Variants in CA13 observed in about 807,000 individuals in gnomAD.
CA13 encodes the protein carbonic anhydrase 13, also known as CA-XIII.
CA13 carries 21 observed loss-of-function variants against 31.5 expected under a neutral mutation model. The observed-to-expected ratio is 0.67, with a 90% CI of 0.47 to 0.96. The LOEUF (loss-of-function observed/expected upper bound fraction) is 0.96, where lower values mean the gene tolerates loss of function less well. Ranked by LOEUF, CA13 falls within the 40% of genes least tolerant of loss-of-function variation. The pLI, the probability that CA13 is intolerant of heterozygous loss-of-function variation, is 0.00. For missense variants in CA13, 315 were observed against 318.9 expected (o/e 0.99, Z 0.09); for synonymous variants, 117 against 111.4 (o/e 1.05, Z -0.32).
At chr8:85,268,234 A>T (rs1316013581) in intron 5 of CA13, among the ~76,000 whole-genome samples, 1 of 152,242 alleles carries the variant, frequency 6.6e-6, no homozygotes, top group Non-Finnish European at 1.5e-5. Flanking sequence ...TTAAGGGACC[A>T]CTTATATGAA....
At chr8:85,274,980 C>A (rs181099959) in intron 6 of CA13, among the ~76,000 whole-genome samples, 82 of 152,272 alleles carry the variant, frequency 5.4e-4, no homozygotes, top group Non-Finnish European at 1.1e-3. Flanking sequence ...GAAGCAAGTA[C>A]CTTGCCAGGG....
Position 85,245,745 on chromosome 8 carries a change from A to G in CA13, c.-84A>G. ...CGGCGCCCCGCGGTCCCGCCCTAGC[A>G]GGCTCCTTCCCGGGCCCCTCCCCGC... On this transcript the variant is annotated 5_prime_UTR_variant, in exon 1 of 7. Coordinates refer to ENST00000321764, the MANE Select transcript of CA13 (RefSeq NM_198584.3). The G allele has an allele frequency of 6.6e-7, 1 of 1,515,108 alleles. No homozygotes were observed. The highest frequency in any genetic ancestry group is 9.2e-7 in the Non-Finnish European group (1 of 1,092,050). 93.9% of individuals were successfully genotyped at this position (1,515,108 alleles called of 1,614,324 possible).
chr8:85,262,486 C>A (rs926508665), intron 3 of CA13, among the ~76,000 whole-genome samples: 10 of 151,896 alleles, frequency 6.6e-5, no homozygotes, highest in Admixed American at 3.9e-4. Context: ...AACAGTATGG[C>A]CTTTAACAGT....
chr8:85,262,165 G>C (rs1006381498), intron 3 of CA13, among the ~76,000 whole-genome samples: 2 of 152,118 alleles, frequency 1.3e-5, no homozygotes, highest in Admixed American at 6.5e-5. Flanking sequence ...AGGGATGATT[G>C]CTTCTTATTT....
intron 2 of CA13, among the ~76,000 whole-genome samples, chr8:85,257,934 A>G (rs899654477): frequency 3.4e-5 from 5 of 148,798 alleles, no homozygotes; most frequent in African/African-American, 1.2e-4. Flanking sequence ...ACCCAGCCAA[A>G]AAATATATAT....
At chr8:85,262,245 C>G (rs776127788) in intron 3 of CA13, among the ~76,000 whole-genome samples, 1 of 152,154 alleles carries the variant, frequency 6.6e-6, no homozygotes, top group Non-Finnish European at 1.5e-5. Context: ...TGCTCCTAAT[C>G]TTTACACAGC....
chr8:85,265,552 T>G (rs936139876), intron 3 of CA13, among the ~76,000 whole-genome samples: 1 of 151,166 alleles, frequency 6.6e-6, no homozygotes, highest in East Asian at 2.0e-4. Context: ...CTCCTTCCCT[T>G]CCCCCTTGTT....
chr8:85,281,081 A>T, intron 6 of CA13, 149 bp from the exon 7 acceptor site: 1 of 897,962 alleles, frequency 1.1e-6, no homozygotes, highest in Non-Finnish European at 1.6e-6. Context: ...TTAGCAAAAG[A>T]GTTGCTTTAT....
intron 6 of CA13, among the ~76,000 whole-genome samples, chr8:85,269,439 A>C (rs1487748166): frequency 6.6e-6 from 1 of 152,090 alleles, no homozygotes; most frequent in Admixed American, 6.6e-5. Flanking sequence ...ACTTTGTCTC[A>C]AAAAAAATTT....
intron 1 of CA13, among the ~76,000 whole-genome samples, chr8:85,248,055 C>T (rs1490425337): frequency 1.3e-5 from 2 of 152,208 alleles, no homozygotes; most frequent in Non-Finnish European, 2.9e-5. Flanking sequence ...TAACCTTTGA[C>T]TACTTTATTA....
chr8:85,264,499 G>T (rs949765650), intron 3 of CA13, among the ~76,000 whole-genome samples: 4 of 152,176 alleles, frequency 2.6e-5, no homozygotes, highest in African/African-American at 9.6e-5. Context: ...GTTCCTCTGT[G>T]AAGGTATTGC....
intron 6 of CA13, among the ~76,000 whole-genome samples, chr8:85,279,199 A>G (rs191094279): frequency 6.6e-6 from 1 of 152,352 alleles, no homozygotes; most frequent in East Asian, 1.9e-4. Context: ...TCAAGGCTGA[A>G]CTGGGAACAT....
At chr8:85,275,762 A>G (rs1032051111) in intron 6 of CA13, among the ~76,000 whole-genome samples, 6 of 152,220 alleles carry the variant, frequency 3.9e-5, no homozygotes, top group Non-Finnish European at 8.8e-5. Flanking sequence ...TTTACTTTAT[A>G]TTAACTTTTC....
rs1420813423 is a variant in CA13, at chr8:85,283,441, AT to A, written c.*2098del. The A allele has an allele frequency of 4.6e-5, 7 of 152,554 alleles. No homozygotes were observed. Among genetic ancestry groups the A allele is most frequent in the African/African-American group, 1.2e-4 (5 of 41,566 alleles). 9.5% of individuals were successfully genotyped at this position (152,554 alleles called of 1,614,324 possible). A position where few individuals can be genotyped will look rare whatever the true frequency, so the allele number is the denominator to read the frequency against. On this transcript the variant is annotated 3_prime_UTR_variant, in exon 7 of 7. Transcript: ENST00000321764. ...ATTTAATGAATTGAATATTTAAAAA[AT>A]TTTTTATTTGCTGTCTTTGGTAATT...
intron 2 of CA13, among the ~76,000 whole-genome samples, chr8:85,252,586 C>G (rs1164465682): frequency 6.6e-6 from 1 of 152,164 alleles, no homozygotes; most frequent in Non-Finnish European, 1.5e-5. Flanking sequence ...TTTAATCCTT[C>G]TTCAGACTAT....
intron 6 of CA13, among the ~76,000 whole-genome samples, chr8:85,272,993 T>C (rs1261944873): frequency 1.3e-5 from 2 of 152,160 alleles, no homozygotes; most frequent in Non-Finnish European, 2.9e-5. Context: ...AATTTTTGTA[T>C]TTTTAGTAGA....
At chr8:85,252,281 A>AT (rs921015282) in intron 2 of CA13, among the ~76,000 whole-genome samples, 8 of 152,100 alleles carry the variant, frequency 5.3e-5, no homozygotes, top group Admixed American at 2.6e-4. Flanking sequence ...AAGTAAAATA[A>AT]TTTTAAAAGT....
In CA13 at chr8:85,259,425, G is replaced by A; in HGVS notation, c.240G>A (p.Leu80=). ...ATAAAACATGTTGTTGTTTAGTTCT[G>A]CGTGGTGGTCCTCTCACTGGAAGCT... ...DFDDTENKSV[L]RGGPLTGSYR... is the part of the protein sequence containing the mutation. Residue 80 remains leucine, a synonymous_variant, in exon 3 of 7, where the codon CTG becomes CTA. Coordinates refer to ENST00000321764, the MANE Select transcript of CA13 (RefSeq NM_198584.3). The A allele has an allele frequency of 1.2e-6, 2 of 1,613,246 alleles. No homozygotes were observed. Among genetic ancestry groups the A allele is most frequent in the Non-Finnish European group, 1.7e-6 (2 of 1,179,412 alleles).
rs920774837 is a variant in CA13 at position 85,282,001 on chromosome 8, G to T, written c.*652G>T. On this transcript the variant is annotated 3_prime_UTR_variant, in exon 7 of 7. Coordinates refer to ENST00000321764, the MANE Select transcript of CA13 (RefSeq NM_198584.3). ...TTACCTTGCCATAGAGACTGAATTA[G>T]TCACAGCTCTCAGTGATGTTAGATG... 1 of 152,176 alleles carries T rather than the reference G, an allele frequency of 6.6e-6. No individual in the cohort carries two copies. The allele number at this position is 152,176 out of a possible 1,614,324, so 9.4% of individuals were successfully genotyped here. A position where few individuals can be genotyped will look rare whatever the true frequency, so the allele number is the denominator to read the frequency against.
Sources: allele counts gnomAD v4.1 joint callset (sites outside exome capture counted in the v4.1 genomes callset), GRCh38; gene constraint gnomAD v4.1.1; transcripts MANE v1.5; gene names NCBI Gene and HGNC (gene_info 2026-07-23, HGNC 2026-07-21).